Variants in MAML3 observed in about 807,000 individuals in gnomAD.
MAML3 encodes the protein mastermind like transcriptional coactivator 3.
Under a neutral mutation model 101.9 loss-of-function variants are expected in MAML3, and 27 were observed. The ratio of observed to expected loss-of-function variants is 0.27; its 90% CI spans 0.20 to 0.37. The LOEUF is 0.37. Among genes scored for constraint, MAML3 ranks in the 10% least tolerant of loss-of-function variants. The pLI, the probability that MAML3 is intolerant of heterozygous loss-of-function variation, is 1.00. For missense variants in MAML3, 1,316 were observed against 1,444.9 expected (o/e 0.91, Z 1.45); for synonymous variants, 501 against 555.9 (o/e 0.90, Z 1.39).
At chr4:139,969,731 G>A (rs916993231) in intron 1 of MAML3, among the ~76,000 whole-genome samples, 3 of 152,094 alleles carry the variant, frequency 2.0e-5, no homozygotes, top group Non-Finnish European at 2.9e-5. Flanking sequence ...AGGGCCTACT[G>A]TAGATGAGAA....
chr4:139,927,062 TTTC>T lies in MAML3; in HGVS notation c.469-36098_469-36096del, dbSNP rs1335479936. 6.3e-5 allele frequency among the ~76,000 whole-genome samples: 6 copies of T among 95,548 alleles called. No homozygotes were observed. The East Asian group carries it at 1.4e-3, about 22-fold the overall frequency. The allele number at this position is 95,548 out of a possible 152,430, so 62.7% of individuals were successfully genotyped here. ...AGTTTGTGTGTGTTTAATGAGTTTT[TTTC>T]TTTTTTCTTTTTTTTTTTTTTGTAC... On this transcript the variant is annotated intron_variant, in intron 1 of 4. Transcript: ENST00000509479.
intron 2 of MAML3, among the ~76,000 whole-genome samples, chr4:139,806,323 GAC>G (rs1730699417): frequency 6.6e-6 from 1 of 152,014 alleles, no homozygotes; most frequent in Non-Finnish European, 1.5e-5. Context: ...CATGAATAGA[GAC>G]AGTTTATGAA....
chr4:139,810,093 G>A (rs544453514), intron 2 of MAML3, among the ~76,000 whole-genome samples: 54 of 150,630 alleles, frequency 3.6e-4, no homozygotes, highest in African/African-American at 1.2e-3. Flanking sequence ...ACATTCTAGC[G>A]AAAAATACAT....
intron 1 of MAML3, among the ~76,000 whole-genome samples, chr4:139,928,747 G>C (rs1487620692): frequency 6.6e-6 from 1 of 152,212 alleles, no homozygotes; most frequent in Non-Finnish European, 1.5e-5. Context: ...TGAACTGCTG[G>C]CTGCAGTGGA....
At chr4:139,912,060 A>C (rs996122046) in intron 1 of MAML3, among the ~76,000 whole-genome samples, 4 of 152,230 alleles carry the variant, frequency 2.6e-5, no homozygotes, top group African/African-American at 9.6e-5. Flanking sequence ...TCTGGTGGCT[A>C]AATATCCAGA....
rs10568513 is a variant in MAML3, at chr4:139,781,508, C to CATATATATATATATATATAT, written c.2080-50861_2080-50842dup. 4.3e-3 allele frequency among the ~76,000 whole-genome samples: 583 copies of CATATATATATATATATATAT among 136,884 alleles called. 6 individuals carry two copies. Among genetic ancestry groups the CATATATATATATATATATAT allele is most frequent in the East Asian group, 7.0e-3 (33 of 4,686 alleles). The allele number at this position is 136,884 out of a possible 152,430, so 89.8% of individuals were successfully genotyped here. A position where few individuals can be genotyped will look rare whatever the true frequency, so the allele number is the denominator to read the frequency against. On this transcript the variant is annotated intron_variant, in intron 2 of 4. Transcript: ENST00000509479. Reference sequence around the variant, plus strand: ...TCTTCTAATGATCGCAGAGCATTTTCATATATATATATATATATATATAGT... The same window carrying CATATATATATATATATATAT: ...TCTTCTAATGATCGCAGAGCATTTTCATATATATATATATATATATATATATATATATATATATATATAGT...
chr4:140,026,357 C>T (rs191410714), intron 1 of MAML3, among the ~76,000 whole-genome samples: 47 of 152,230 alleles, frequency 3.1e-4, no homozygotes, highest in Admixed American at 1.9e-3. Context: ...CAGGTTCAAG[C>T]GATTCTCATG....
At chr4:139,861,599 T>A (rs149470494) in intron 2 of MAML3, among the ~76,000 whole-genome samples, 3 of 152,116 alleles carry the variant, frequency 2.0e-5, no homozygotes, top group Admixed American at 6.5e-5. Flanking sequence ...GAGGTTTAGT[T>A]AATAGCCTGA....
chr4:139,829,772 C>G (rs945643713), intron 2 of MAML3, among the ~76,000 whole-genome samples: 4 of 152,120 alleles, frequency 2.6e-5, no homozygotes, highest in Non-Finnish European at 5.9e-5. Flanking sequence ...GATTCAAGCA[C>G]GTTTAGGCAG....
chr4:139,730,415 C>G lies in MAML3; in HGVS notation c.2331+1G>C. 1 of 1,535,506 alleles carries G rather than the reference C, an allele frequency of 6.5e-7. No individual in the cohort carries two copies. ...ATGAATCACGCCAAGGGGCATGTTA[C>G]CTGTTCCGCCAAAATCTGCTGCTGC... On this transcript the variant is annotated splice_donor_variant, in intron 3 of 4. Transcript: ENST00000509479. LOFTEE classifies it high-confidence loss of function.
chr4:139,754,028 A>T (rs1415323680), intron 2 of MAML3, among the ~76,000 whole-genome samples: 1 of 152,262 alleles, frequency 6.6e-6, no homozygotes, highest in Non-Finnish European at 1.5e-5. Flanking sequence ...TACTATGCAC[A>T]TGTACATTAA....
intron 1 of MAML3, among the ~76,000 whole-genome samples, chr4:140,135,493 A>G (rs1279232512): frequency 6.6e-6 from 1 of 152,252 alleles, no homozygotes; most frequent in East Asian, 1.9e-4. Flanking sequence ...ATTCCAATTT[A>G]TATTTGTTGA....
chr4:139,804,425 C>G (rs1406206802), intron 2 of MAML3, among the ~76,000 whole-genome samples: 1 of 152,060 alleles, frequency 6.6e-6, no homozygotes, highest in Non-Finnish European at 1.5e-5. Context: ...CGCCACCATG[C>G]CTGGCTAATT....
At chr4:139,996,391 G>A (rs1201071938) in intron 1 of MAML3, among the ~76,000 whole-genome samples, 1 of 151,934 alleles carries the variant, frequency 6.6e-6, no homozygotes, top group African/African-American at 2.4e-5. Context: ...TTGAATTATT[G>A]TCTATTTCTT....
intron 1 of MAML3, among the ~76,000 whole-genome samples, chr4:139,905,912 G>A (rs1403232133): frequency 6.6e-6 from 1 of 152,082 alleles, no homozygotes; most frequent in Non-Finnish European, 1.5e-5. Context: ...TGGGGAGTAG[G>A]ACTTCAGCAA....
intron 2 of MAML3, among the ~76,000 whole-genome samples, chr4:139,863,635 C>T (rs1422526805): frequency 6.6e-6 from 1 of 152,100 alleles, no homozygotes; most frequent in African/African-American, 2.4e-5. Flanking sequence ...CCGTGCCCAG[C>T]TGCCTTTTCT....
rs1726556451 is a variant in MAML3 at position 140,011,318 on chromosome 4, T to C, written c.469-120351A>G. The stretch of plus-strand genomic sequence containing the variant: ...CAAACAGAGAAAAGACATTGATTGG[T>C]TTTACTCAAGGTTTTCTTGTTTTGT... On this transcript the variant is annotated intron_variant, in intron 1 of 4. Coordinates refer to ENST00000509479, the MANE Select transcript of MAML3 (RefSeq NM_018717.5). 2.9e-5 allele frequency among the ~76,000 whole-genome samples: 4 copies of C among 140,074 alleles called. No homozygotes were observed. In the South Asian group the frequency reaches 8.8e-4, roughly 31 times the overall value. 91.9% of individuals were successfully genotyped at this position (140,074 alleles called of 152,430 possible). A position where few individuals can be genotyped will look rare whatever the true frequency, so the allele number is the denominator to read the frequency against.
chr4:140,128,169 C>T (rs1455019200), intron 1 of MAML3: 1 of 152,230 alleles, frequency 6.6e-6, no homozygotes, highest in Non-Finnish European at 1.5e-5. Context: ...CAAACTCCTC[C>T]TCCTACCTTC....
At chr4:139,837,413 G>T (rs1398981694) in intron 2 of MAML3, among the ~76,000 whole-genome samples, 1 of 151,018 alleles carries the variant, frequency 6.6e-6, no homozygotes, top group Admixed American at 6.6e-5. Flanking sequence ...CAGGAGAATG[G>T]CATGAACCCG....
Sources: gnomAD v4.1 joint callset for allele counts (sites outside exome capture counted in the v4.1 genomes callset) on GRCh38, gnomAD v4.1.1 for gene constraint, MANE v1.5 for transcripts, NCBI Gene and HGNC (gene_info 2026-07-23, HGNC 2026-07-21) for gene names.